APOB: variants seen among roughly 807,000 people sequenced by gnomAD.
APOB encodes apolipoprotein B, also known as apolipoprotein B-100.
In APOB, 153 loss-of-function variants were observed where a neutral mutation model predicts 314.1. The observed-to-expected ratio is 0.49, with a 90% CI of 0.43 to 0.56. APOB has a LOEUF of 0.56. Ranked by LOEUF, APOB falls within the 20% of genes least tolerant of loss-of-function variation. The pLI is 0.00. For missense variants in APOB, 5,430 were observed against 5,350.7 expected (o/e 1.01, Z -0.46); for synonymous variants, 2,087 against 2,036.4 (o/e 1.02, Z -0.67).
chr2:21,040,957 A>G lies in APOB; in HGVS notation c.364T>C (p.Phe122Leu). ...ACTTACCTGGACATGGCTGCAGCAAACTCCTCAGAGTTCTTGGTTTTCTTC... is the reference window on the plus strand; with the variant it reads ...ACTTACCTGGACATGGCTGCAGCAAGCTCCTCAGAGTTCTTGGTTTTCTTC... ...LLKKTKNSEE[F>L]AAAMSRYELK... Residue 122 changes from phenylalanine (F) to leucine (L), a missense_variant, in exon 4 of 29, where the codon TTT (phenylalanine) becomes CTT (leucine). Transcript: ENST00000233242. The G allele has an allele frequency of 6.2e-7, 1 of 1,613,952 alleles. No homozygotes were observed. The highest frequency in any genetic ancestry group is 8.5e-7 in the Non-Finnish European group (1 of 1,180,000).
In APOB at chr2:21,009,964, C is replaced by T. The variant is rs147447233; in HGVS notation, c.6904G>A (p.Gly2302Arg). The change falls in exon 26 of 29, where the codon GGA becomes AGA. Residue 2302 changes from glycine (G) to arginine (R), a missense_variant. Transcript: ENST00000233242. ...ATTCTTTCAAATGAAATTGTAGTTC[C>T]CAATTGATCTAAAAGCACTCTAACA... is the stretch of plus-strand genomic sequence containing the variant. ...IDVRVLLDQL[G>R]TTISFERIND... 17 of 1,613,626 alleles carry T rather than the reference C, an allele frequency of 1.1e-5. No individual in the cohort carries two copies. In the East Asian group the frequency reaches 3.8e-4, roughly 36 times the overall value.
intron 10 of APOB, among the ~76,000 whole-genome samples, chr2:21,031,980 T>G (rs377396522): frequency 8.5e-5 from 13 of 152,218 alleles, no homozygotes; most frequent in East Asian, 3.8e-4. Context: ...TGTTGATGTT[T>G]GCAATTTACT....
intron 24 of APOB, among the ~76,000 whole-genome samples, chr2:21,014,009 T>C (rs1281201043): frequency 6.6e-6 from 1 of 152,230 alleles, no homozygotes; most frequent in Non-Finnish European, 1.5e-5. Flanking sequence ...CAACTTGATT[T>C]GTGGAAAGAA....
At chr2:21,028,575 T>C (rs756097724) in intron 12 of APOB, 37 bp from the exon 13 acceptor site, 2 of 1,441,952 alleles carry the variant, frequency 1.4e-6, no homozygotes, top group Non-Finnish European at 1.9e-6. Flanking sequence ...CACTGTCCTG[T>C]GGTCAGAACA....
chr2:21,008,813 C>T lies in APOB; in HGVS notation c.8055G>A (p.Gln2685=). The T allele has an allele frequency of 6.2e-7, 1 of 1,614,080 alleles. No homozygotes were observed. Among genetic ancestry groups the T allele is most frequent in the Non-Finnish European group, 8.5e-7 (1 of 1,179,954 alleles). The change falls in exon 26 of 29, where the codon CAG becomes CAA. Residue 2685 remains glutamine (Q), a synonymous_variant. Coordinates refer to ENST00000233242, the MANE Select transcript of APOB (RefSeq NM_000384.3). ...TIDQMLNSEL[Q]WPVPDIYLRD... is the part of the protein sequence containing the mutation. ...TGAGATATATATCTGGAACGGGCCA[C>T]TGCAGCTCACTGTTCAGCATCTGGT...
Position 21,013,265 on chromosome 2 carries a change from C to T in APOB, c.4111G>A (p.Ala1371Thr), listed in dbSNP as rs780170292. 79 of 1,614,032 alleles carry T rather than the reference C, an allele frequency of 4.9e-5. No homozygotes were observed. Among genetic ancestry groups the T allele is most frequent in the African/African-American group, 1.6e-4 (12 of 74,910 alleles). Residue 1371 changes from alanine (A) to threonine (T), a missense_variant, in exon 25 of 29, where the codon GCC becomes ACC. Ala to Thr is a moderately conservative substitution (Grantham distance 58). This residue lies in a region of APOB where 2,085 missense variants were observed against 2,079.7 expected (regional missense o/e 1.00). Coordinates refer to ENST00000233242, the MANE Select transcript of APOB (RefSeq NM_000384.3). ...CTGGTGTTGCCACCACTGTAGGAGG[C>T]GGACCAGTTGTACAAGTTGCTGTAG... ...NVYSNLYNWS[A>T]SYSGGNTSTD... is the part of the protein sequence containing the mutation.
chr2:21,031,256 A>C (rs998371354), intron 10 of APOB, among the ~76,000 whole-genome samples: 3 of 152,260 alleles, frequency 2.0e-5, no homozygotes, highest in Non-Finnish European at 2.9e-5. Context: ...TAGGCAATAA[A>C]ATACTATTCG....
At chr2:21,014,416 G>T (rs1295136086) in intron 24 of APOB, 32 bp downstream of exon 24, 1 of 1,613,376 alleles carries the variant, frequency 6.2e-7, no homozygotes, top group South Asian at 1.1e-5. Context: ...ACTTTGCATG[G>T]TTCAAGAAGC....
chr2:21,005,198 G>C lies in APOB; in HGVS notation c.11670C>G (p.Asp3890Glu). ...FQALTARFEV[D>E]SPVYNATWSA... ...TCCAAGTGGCATTATACACGGGAGA[G>C]TCTACCTCAAAGCGTGCAGTCAGTG... The change falls in exon 26 of 29, where the codon GAC (aspartate) becomes GAG (glutamate). Residue 3890 changes from aspartate to glutamate, a missense_variant. This residue lies in a region of APOB where 3,281 missense variants were observed against 3,171.0 expected (regional missense o/e 1.03). Transcript: ENST00000233242. 1 of 1,614,072 alleles carries C rather than the reference G, an allele frequency of 6.2e-7. No homozygotes were observed.
chr2:21,004,148 G>T (rs1413492623), intron 28 of APOB, 121 bp downstream of exon 28: 1 of 993,900 alleles, frequency 1.0e-6, no homozygotes, highest in Non-Finnish European at 1.6e-6. Flanking sequence ...AGAAGAAGTT[G>T]CTTACCGCCT....
chr2:21,030,883 A>G (rs1353215711), intron 10 of APOB, among the ~76,000 whole-genome samples: 3 of 152,338 alleles, frequency 2.0e-5, no homozygotes, highest in African/African-American at 7.2e-5. Flanking sequence ...AGAGAAATGT[A>G]AATTAAAACC....
rs1663277875 is a variant in APOB, at chr2:21,010,500, T to C, written c.6368A>G (p.Asn2123Ser). 2 of 1,610,444 alleles carry C rather than the reference T, an allele frequency of 1.2e-6. No individual in the cohort carries two copies. The highest frequency in any genetic ancestry group is 2.2e-5 in the South Asian group (2 of 90,738). The change falls in exon 26 of 29, where the codon AAT (asparagine) becomes AGT (serine). Residue 2123 changes from asparagine to serine, a missense_variant. By Grantham distance (46) the Asn-to-Ser change is conservative. Around this residue, in one of 3 missense-constraint regions of APOB, gnomAD observed 3,281 missense variants for 3,171.0 expected, o/e 1.03. Transcript: ENST00000233242. ...CCAATTGAATGAATTCAGATAATCA[T>C]TAGCTTGCTGTGGGAGTTTTCCCAG... ...AALGKLPQQANDYLNSFNWER... is the reference protein window; with the variant it reads ...AALGKLPQQASDYLNSFNWER...
At chr2:21,029,030 G>C (rs987053476) in intron 12 of APOB, among the ~76,000 whole-genome samples, 2 of 152,206 alleles carry the variant, frequency 1.3e-5, no homozygotes, top group African/African-American at 4.8e-5. Context: ...CAATCTGGTA[G>C]GTGGACGGTA....
chr2:21,041,784 TA>T (rs1384746775), intron 3 of APOB, among the ~76,000 whole-genome samples: 5 of 152,152 alleles, frequency 3.3e-5, no homozygotes, highest in Admixed American at 1.3e-4. Flanking sequence ...CGGTACTCTC[TA>T]AAAAAAGGTG....
chr2:21,043,867 C>T lies in APOB; in HGVS notation c.79G>A (p.Ala27Thr). 6.7e-7 allele frequency: 1 copy of T among 1,499,078 alleles called. No homozygotes were observed. The highest frequency in any genetic ancestry group is 8.8e-7 in the Non-Finnish European group (1 of 1,130,632). 92.9% of individuals were successfully genotyped at this position (1,499,078 alleles called of 1,614,324 possible). ...LLLLLLAGARAEEEMLENVSL... is the reference protein window; with the variant it reads ...LLLLLLAGARTEEEMLENVSL... ...CGCAGAGCGGCCGCGCACTCACCGG[C>T]CCTGGCGCCCGCCAGCAGCAGCAGC... Residue 27 changes from alanine (A) to threonine (T), a missense_variant, in exon 1 of 29, where the codon GCC (alanine) becomes ACC (threonine). Ala to Thr is a moderately conservative substitution (Grantham distance 58). Around this residue, in one of 3 missense-constraint regions of APOB, gnomAD observed 2,085 missense variants for 2,079.7 expected, o/e 1.00. Coordinates refer to ENST00000233242, the MANE Select transcript of APOB (RefSeq NM_000384.3).
rs1046539639 is a variant in APOB at position 21,007,891 on chromosome 2, C to T, written c.8977G>A (p.Asp2993Asn). ...FSKLEIQSQVDSQHVGHSVLT... is the reference protein window; with the variant it reads ...FSKLEIQSQVNSQHVGHSVLT... ...ACACTGTGGCCCACATGCTGGGAATCGACTTGTGATTGAATTTCAAGTTTA... is the reference window on the plus strand; with the variant it reads ...ACACTGTGGCCCACATGCTGGGAATTGACTTGTGATTGAATTTCAAGTTTA... Residue 2993 changes from aspartate (D) to asparagine (N), a missense_variant, in exon 26 of 29, where the codon GAT becomes AAT. This residue lies in a region of APOB where 3,281 missense variants were observed against 3,171.0 expected (regional missense o/e 1.03). Coordinates refer to ENST00000233242, the MANE Select transcript of APOB (RefSeq NM_000384.3). 1.4e-5 allele frequency: 23 copies of T among 1,613,910 alleles called. No individual in the cohort carries two copies. The African/African-American group carries it at 1.6e-4, about 11-fold the overall frequency.
chr2:21,007,090 C>G lies in APOB; in HGVS notation c.9778G>C (p.Val3260Leu), dbSNP rs1399736076. 6.2e-7 allele frequency: 1 copy of G among 1,613,972 alleles called. No individual in the cohort carries two copies. The highest frequency in any genetic ancestry group is 1.1e-5 in the South Asian group (1 of 91,080). Residue 3260 changes from valine (V) to leucine (L), a missense_variant, in exon 26 of 29, where the codon GTG (valine) becomes CTG (leucine). Transcript: ENST00000233242. ...GYTVPVVNVEVSPFTIEMSAF... is the reference protein window; with the variant it reads ...GYTVPVVNVELSPFTIEMSAF... The stretch of plus-strand genomic sequence containing the variant: ...GACATCTCTATGGTGAATGGAGACA[C>G]TTCAACATTGACAACTGGAACAGTG...
Position 21,019,623 on chromosome 2 carries a change from AC to A in APOB, c.2999+99del, listed in dbSNP as rs1427654612. 2.4e-6 allele frequency: 3 copies of A among 1,273,630 alleles called. No homozygotes were observed. The African/African-American group carries it at 4.4e-5, about 19-fold the overall frequency. 78.9% of individuals were successfully genotyped at this position (1,273,630 alleles called of 1,614,324 possible). ...ATGGTGCAAACCCAGAAGGCTAGTG[AC>A]AGGGTCTTACAACACAGAGTATTTT... On this transcript the variant is annotated intron_variant, in intron 19 of 28. Transcript: ENST00000233242.
intron 15 of APOB, 78 bp from the exon 16 acceptor site, chr2:21,025,202 C>A: frequency 7.0e-7 from 1 of 1,437,536 alleles, no homozygotes; most frequent in South Asian, 1.1e-5. Context: ...TGGGACCTGT[C>A]TGATGCAGCC....
Sources: gnomAD v4.1 joint callset for allele counts (sites outside exome capture counted in the v4.1 genomes callset) on GRCh38, gnomAD v4.1.1 for gene constraint, gnomAD v4.1.1 regional missense constraint, MANE v1.5 for transcripts, NCBI Gene and HGNC (gene_info 2026-07-23, HGNC 2026-07-21) for gene names.